Variants in ROR2 observed in about 807,000 individuals in gnomAD.
ROR2 encodes the protein ROR family WNT receptor 2, also known as tyrosine-protein kinase transmembrane receptor ROR2.
In ROR2, 33 loss-of-function variants were observed where a neutral mutation model predicts 74.9. The observed-to-expected ratio is 0.44, with a 90% CI of 0.33 to 0.59. The LOEUF is 0.59. ROR2 is among the 20% of genes least tolerant of loss of function. The pLI, the probability that ROR2 is intolerant of heterozygous loss-of-function variation, is 0.02. For missense variants in ROR2, 1,216 were observed against 1,313.8 expected, an observed-to-expected ratio of 0.93 and a Z score of 1.15; for synonymous variants, 586 against 558.7, an observed-to-expected ratio of 1.05 and a Z score of -0.69.
intron 1 of ROR2, among the ~76,000 whole-genome samples, chr9:91,797,100 A>T (rs1164127996): frequency 5.8e-5 from 4 of 69,334 alleles, no homozygotes; most frequent in African/African-American, 2.4e-4. Flanking sequence ...GATAGGGCTG[A>T]CACCCTGGGC....
intron 1 of ROR2, among the ~76,000 whole-genome samples, chr9:91,873,621 A>C (rs1414386646): frequency 6.6e-6 from 1 of 152,150 alleles, no homozygotes; most frequent in Non-Finnish European, 1.5e-5. Context: ...CACCAATGGG[A>C]ACAAAAAGTG....
intron 2 of ROR2, among the ~76,000 whole-genome samples, chr9:91,774,358 A>AGAGTG (rs1365546246): frequency 5.9e-5 from 9 of 152,340 alleles, no homozygotes; most frequent in Admixed American, 2.0e-4. Context: ...TAGATTGGAC[A>AGAGTG]GAAATAAAGT....
chr9:91,765,180 TCTCC>T (rs1196295184), intron 2 of ROR2, among the ~76,000 whole-genome samples: 1 of 152,174 alleles, frequency 6.6e-6, no homozygotes, highest in Non-Finnish European at 1.5e-5. Context: ...CACTGTGCTC[TCTCC>T]CTATTTTTAA....
intron 1 of ROR2, among the ~76,000 whole-genome samples, chr9:91,918,099 G>C (rs905256257): frequency 6.6e-6 from 1 of 151,988 alleles, no homozygotes; most frequent in Non-Finnish European, 1.5e-5. Flanking sequence ...GTGAAACCCC[G>C]TCTCTACTAA....
In ROR2 at chr9:91,733,224, T is replaced by C. The variant is rs1392637298; in HGVS notation, c.835A>G (p.Met279Val). 16 of 1,612,608 alleles carry C rather than the reference T, an allele frequency of 9.9e-6. No individual in the cohort carries two copies. Among genetic ancestry groups the C allele is most frequent in the Admixed American group, 1.7e-5 (1 of 59,914 alleles). Residue 279 changes from methionine (M) to valine (V), a missense_variant, in exon 6 of 9, where the codon ATG (methionine) becomes GTG (valine). Coordinates refer to ENST00000375708, the MANE Select transcript of ROR2 (RefSeq NM_004560.4). The surrounding 1 kb of genome is among the most constrained non-coding windows in gnomAD (Gnocchi z 5.7). The part of the protein sequence containing the change: ...TIARSNPLIL[M>V]RLQLPKCEAL... ...TCACACTTGGGCAGCTGAAGCCGCA[T>C]GAGGATGAGCGGGTTGGAGCGGGCG...
intron 4 of ROR2, 129 bp from the exon 5 acceptor site, chr9:91,737,647 A>G: frequency 8.0e-7 from 1 of 1,252,350 alleles, no homozygotes; most frequent in African/African-American, 1.5e-5. Flanking sequence ...GTAAATTTAA[A>G]TAAGTAGAAC....
At chr9:91,854,343 T>C (rs1348801003) in intron 1 of ROR2, among the ~76,000 whole-genome samples, 1 of 152,066 alleles carries the variant, frequency 6.6e-6, no homozygotes, top group African/African-American at 2.4e-5. Context: ...TGGTGAGGCG[T>C]AGGATAGGGG....
intron 1 of ROR2, among the ~76,000 whole-genome samples, chr9:91,855,095 T>A (rs1035587577): frequency 3.3e-5 from 5 of 152,184 alleles, no homozygotes; most frequent in Non-Finnish European, 5.9e-5. Context: ...ACTTAATTAC[T>A]CTTAAAAATA....
At chr9:91,764,385 C>T (rs749219553) in intron 2 of ROR2, among the ~76,000 whole-genome samples, 3 of 151,704 alleles carry the variant, frequency 2.0e-5, no homozygotes, top group Non-Finnish European at 4.4e-5. Flanking sequence ...ATTTCCATTG[C>T]CTTTTATTTT....
At chr9:91,875,833 A>T (rs993846930) in intron 1 of ROR2, among the ~76,000 whole-genome samples, 1 of 152,112 alleles carries the variant, frequency 6.6e-6, no homozygotes, top group Admixed American at 6.5e-5. Context: ...GCAGCTTTAT[A>T]AGGGGGGTCC....
intron 1 of ROR2, among the ~76,000 whole-genome samples, chr9:91,918,354 C>T: frequency 6.6e-6 from 1 of 150,620 alleles, no homozygotes; most frequent in South Asian, 2.1e-4. Flanking sequence ...GAAGCCACCC[C>T]AACCCTAGGC....
chr9:91,948,612 G>A, intron 1 of ROR2: 1 of 985,374 alleles, frequency 1.0e-6, no homozygotes, highest in East Asian at 1.1e-4. Flanking sequence ...CGTACCTTGG[G>A]CCGGCTAGGG....
chr9:91,740,777 G>GT (rs1413375150), intron 4 of ROR2, among the ~76,000 whole-genome samples: 1 of 152,032 alleles, frequency 6.6e-6, no homozygotes, highest in Admixed American at 6.6e-5. Context: ...GGATCCCTGG[G>GT]AAAGCAAGGA....
At chr9:91,852,898 G>A (rs965445796) in intron 1 of ROR2, among the ~76,000 whole-genome samples, 1 of 152,228 alleles carries the variant, frequency 6.6e-6, no homozygotes, top group Non-Finnish European at 1.5e-5. Context: ...CTCTGCCACC[G>A]GACACAGTGC....
intron 1 of ROR2, among the ~76,000 whole-genome samples, chr9:91,810,436 A>G (rs1827712611): frequency 6.6e-6 from 1 of 152,116 alleles, no homozygotes; most frequent in South Asian, 2.1e-4. Flanking sequence ...CTGCTTGAAC[A>G]GATGTTCTCC....
chr9:91,845,836 C>T (rs544405736), intron 1 of ROR2, among the ~76,000 whole-genome samples: 2 of 136,382 alleles, frequency 1.5e-5, no homozygotes, highest in African/African-American at 5.7e-5. Flanking sequence ...TGAGATCATG[C>T]CACTGCACTC....
At chr9:91,727,014 T>G (rs1018713672) in intron 7 of ROR2, among the ~76,000 whole-genome samples, 1 of 152,202 alleles carries the variant, frequency 6.6e-6, no homozygotes, top group Non-Finnish European at 1.5e-5. Flanking sequence ...AAATGAATTC[T>G]AATGATCTTA....
chr9:91,940,057 T>C (rs1831807607), intron 1 of ROR2, among the ~76,000 whole-genome samples: 1 of 152,218 alleles, frequency 6.6e-6, no homozygotes. Flanking sequence ...GCCTATGTGA[T>C]GCAGGGAAGC....
intron 1 of ROR2, among the ~76,000 whole-genome samples, chr9:91,798,589 G>A (rs1456928554): frequency 7.0e-6 from 1 of 142,390 alleles, no homozygotes; most frequent in African/African-American, 2.7e-5. Flanking sequence ...AGTGAGTGGA[G>A]CTGACACCCT....
Sources: gnomAD v4.1 joint callset for allele counts (sites outside exome capture counted in the v4.1 genomes callset) on GRCh38, gnomAD v4.1.1 for gene constraint, Gnocchi (gnomAD v3.1) non-coding constraint, MANE v1.5 for transcripts, NCBI Gene and HGNC (gene_info 2026-07-23, HGNC 2026-07-21) for gene names.